The following GREB1L variants were observed in gnomAD, a reference collection of about 807,000 sequenced individuals.
GREB1L encodes GREB1 like retinoic acid receptor coactivator, also known as GREB1-like protein.
In GREB1L, 17 loss-of-function variants were observed where a neutral mutation model predicts 200.8. That is an observed-to-expected ratio of 0.08 (90% confidence interval 0.06 to 0.13). GREB1L has a LOEUF of 0.13. Among genes scored for constraint, GREB1L ranks in the 10% least tolerant of loss-of-function variants. The pLI is 1.00. For synonymous variants in GREB1L, 789 were observed against 893.0 expected (o/e 0.88, Z 2.08); for missense variants, 1,657 against 2,367.7 (o/e 0.70, Z 6.23).
intron 21 of GREB1L, among the ~76,000 whole-genome samples, chr18:21,497,281 T>TGTATTATGTATTCA (rs2036582192): frequency 6.6e-6 from 1 of 152,166 alleles, no homozygotes; most frequent in African/African-American, 2.4e-5. Flanking sequence ...TTCTGATAAA[T>TGTATTATGTATTCA]TGTATTATAG....
intron 27 of GREB1L, among the ~76,000 whole-genome samples, chr18:21,510,357 C>T (rs1221270604): frequency 6.6e-6 from 1 of 152,132 alleles, no homozygotes; most frequent in African/African-American, 2.4e-5. Flanking sequence ...TTAAACAACT[C>T]CCCATTCCCT....
chr18:21,399,334 G>C (rs1327415146), intron 5 of GREB1L, among the ~76,000 whole-genome samples: 1 of 152,310 alleles, frequency 6.6e-6, no homozygotes, highest in African/African-American at 2.4e-5. Context: ...TTCCACAAAG[G>C]CAGGGACTTT....
intron 2 of GREB1L, among the ~76,000 whole-genome samples, chr18:21,367,260 G>A (rs1482436648): frequency 1.3e-5 from 2 of 152,154 alleles, no homozygotes; most frequent in Non-Finnish European, 2.9e-5. Flanking sequence ...AGGAATGCTC[G>A]CTTTTGTCTA....
At chr18:21,521,897 G>C (rs890950818) in intron 32 of GREB1L, among the ~76,000 whole-genome samples, 5 of 150,038 alleles carry the variant, frequency 3.3e-5, no homozygotes, top group African/African-American at 1.2e-4. Flanking sequence ...CCAGCCACCT[G>C]GGAGGCTGAG....
intron 1 of GREB1L, among the ~76,000 whole-genome samples, chr18:21,278,395 AATAAATAAAT>A (rs2038210836): frequency 2.3e-5 from 3 of 129,318 alleles, no homozygotes; most frequent in African/African-American, 9.9e-5. Flanking sequence ...AAAAAAAATA[AATAAATAAAT>A]AAATAAATAA....
chr18:21,257,488 T>A (rs1287643773), intron 1 of GREB1L, among the ~76,000 whole-genome samples: 3 of 152,250 alleles, frequency 2.0e-5, no homozygotes, highest in Non-Finnish European at 4.4e-5. Context: ...ATTTGCATAA[T>A]CTACTGAAGA....
At chr18:21,252,190 C>T (rs977952242) in intron 1 of GREB1L, among the ~76,000 whole-genome samples, 1 of 152,132 alleles carries the variant, frequency 6.6e-6, no homozygotes, top group Non-Finnish European at 1.5e-5. Flanking sequence ...TACTATAGAA[C>T]TTTAATCAAC....
chr18:21,484,510 C>T (rs1229592054), intron 17 of GREB1L, among the ~76,000 whole-genome samples: 1 of 152,082 alleles, frequency 6.6e-6, no homozygotes, highest in Non-Finnish European at 1.5e-5. Flanking sequence ...ATAAAAATGT[C>T]AACACATAAT....
At chr18:21,459,387 G>A (rs560772191) in intron 15 of GREB1L, among the ~76,000 whole-genome samples, 18 of 144,804 alleles carry the variant, frequency 1.2e-4, no homozygotes, top group South Asian at 4.5e-4. Context: ...TCAGGTTCAA[G>A]TGATTCTCCT....
At chr18:21,421,786 A>T (rs1237415385) in intron 7 of GREB1L, among the ~76,000 whole-genome samples, 2 of 152,220 alleles carry the variant, frequency 1.3e-5, no homozygotes, top group African/African-American at 2.4e-5. Context: ...AAAAATCAAG[A>T]TTCAAACTCT....
At chr18:21,278,388 AAAAATAAATAAAT>A (rs2038208143) in intron 1 of GREB1L, among the ~76,000 whole-genome samples, 1 of 138,398 alleles carries the variant, frequency 7.2e-6, no homozygotes, top group African/African-American at 3.0e-5. Flanking sequence ...CTCAAAAAAA[AAAAATAAATAAAT>A]AAATAAATAA....
At chr18:21,361,413 T>C (rs908377286) in intron 1 of GREB1L, among the ~76,000 whole-genome samples, 1 of 152,048 alleles carries the variant, frequency 6.6e-6, no homozygotes, top group African/African-American at 2.4e-5. Context: ...GGCACATGAA[T>C]TGTTTCTAAG....
chr18:21,500,421 C>A lies in GREB1L; in HGVS notation c.3969+115C>A, dbSNP rs878991998. 1.3e-4 allele frequency: 107 copies of A among 848,270 alleles called. No individual in the cohort carries two copies. The South Asian group carries it at 1.5e-3, about 12-fold the overall frequency. The allele number at this position is 848,270 out of a possible 1,614,324, so 52.5% of individuals were successfully genotyped here. A position where few individuals can be genotyped will look rare whatever the true frequency, so the allele number is the denominator to read the frequency against. ...AGCAGGTGTGACAGAGCAGTGAGGA[C>A]CTCATTCAGGCCTCTCAGGCAGGAG... is the stretch of plus-strand genomic sequence containing the variant. On this transcript the variant is annotated intron_variant, in intron 22 of 32. Transcript: ENST00000424526.
chr18:21,500,271 C>A lies in GREB1L; in HGVS notation c.3934C>A (p.His1312Asn). ...LDPASGTRNF[H>N]PRRLLLTGPP... is the part of the protein sequence containing the mutation. Reference sequence around the variant, plus strand: ...CCCGGCCTCTGGCACCCGAAACTTCCACCCCCGACGGCTCCTGCTGACAGG... The same window carrying A: ...CCCGGCCTCTGGCACCCGAAACTTCAACCCCCGACGGCTCCTGCTGACAGG... The change falls in exon 22 of 33, where the codon CAC becomes AAC. Residue 1312 changes from histidine (H) to asparagine (N), a missense_variant. His to Asn is a moderately conservative substitution (Grantham distance 68). Coordinates refer to ENST00000424526, the MANE Select transcript of GREB1L (RefSeq NM_001142966.3). 1 of 1,434,552 alleles carries A rather than the reference C, an allele frequency of 7.0e-7. No individual in the cohort carries two copies. The highest frequency in any genetic ancestry group is 9.5e-7 in the Non-Finnish European group (1 of 1,052,532). The allele number at this position is 1,434,552 out of a possible 1,614,324, so 88.9% of individuals were successfully genotyped here.
At position 21,294,378 on chromosome 18, in the gene GREB1L, G is replaced by A. The variant is rs560767661; in HGVS notation, c.-120+51985G>A. Among the ~76,000 whole-genome samples the A allele has an allele frequency of 9.6e-4, 146 of 152,088 alleles. 1 individual carries two copies. The highest frequency in any genetic ancestry group is 3.3e-3 in the African/African-American group (137 of 41,508). ...AAAATGCCCTAGAAGCTCAAGAGAT[G>A]CTTCTGGTGGTGGAAGTGACAAGAA... On this transcript the variant is annotated intron_variant, in intron 1 of 32. Coordinates refer to ENST00000424526, the MANE Select transcript of GREB1L (RefSeq NM_001142966.3).
intron 7 of GREB1L, among the ~76,000 whole-genome samples, chr18:21,432,705 C>CTTTTTTTT (rs11380208): frequency 5.5e-4 from 52 of 94,340 alleles, no homozygotes; most frequent in Non-Finnish European, 7.2e-4. Flanking sequence ...TCTTTTTTTT[C>CTTTTTTTT]TTTTTTTTTT....
chr18:21,354,396 T>C (rs1158639690), intron 1 of GREB1L, among the ~76,000 whole-genome samples: 5 of 152,150 alleles, frequency 3.3e-5, no homozygotes, highest in African/African-American at 1.2e-4. Flanking sequence ...GAGACCAGCC[T>C]GGGCAACATA....
At chr18:21,507,102 T>C (rs2037047084) in intron 25 of GREB1L, among the ~76,000 whole-genome samples, 1 of 152,232 alleles carries the variant, frequency 6.6e-6, no homozygotes, top group Non-Finnish European at 1.5e-5. Flanking sequence ...GCCCTTCTAA[T>C]ACAAGTTACC....
At chr18:21,482,642 A>ATTTTTTTT (rs35313539) in intron 17 of GREB1L, among the ~76,000 whole-genome samples, 1 of 118,100 alleles carries the variant, frequency 8.5e-6, no homozygotes, top group African/African-American at 3.1e-5. Flanking sequence ...TAGATTACAG[A>ATTTTTTTT]TTTTTTTTTT....
Sources: allele counts gnomAD v4.1 joint callset (sites outside exome capture counted in the v4.1 genomes callset), GRCh38; gene constraint gnomAD v4.1.1; transcripts MANE v1.5; gene names NCBI Gene and HGNC (gene_info 2026-07-23, HGNC 2026-07-21).